Variants in DRC11L observed in about 807,000 individuals in gnomAD.
DRC11L encodes dynein regulatory complex subunit 11 like, also known as dynein regulatory complex subunit like-11.
the DRC11L span, chr7:151,193,502 G>T: frequency 2.5e-6 from 1 of 399,402 alleles, no homozygotes. Flanking sequence ...TGAGAGCAAG[G>T]AAATGGGCCA....
At chr7:151,194,140 G>A in the DRC11L span, 2 of 390,094 alleles carry the variant, frequency 5.1e-6, no homozygotes, top group Non-Finnish European at 9.0e-6. Context: ...AGGAGGACCT[G>A]GGGCTTGGAG....
the DRC11L span, chr7:151,191,673 C>T: frequency 7.5e-5 from 30 of 399,180 alleles, no homozygotes; most frequent in Non-Finnish European, 1.2e-4. Context: ...TACACTGGAT[C>T]CAGCTTCACC....
the DRC11L span, chr7:151,195,501 T>C: frequency 1.0e-5 from 4 of 399,466 alleles, no homozygotes; most frequent in Non-Finnish European, 1.8e-5. Context: ...TGGAAACGAG[T>C]GCGTAGGTCA....
the DRC11L span, chr7:151,197,369 G>A: frequency 2.5e-6 from 1 of 398,906 alleles, no homozygotes; most frequent in Non-Finnish European, 4.4e-6. Flanking sequence ...AGATCAAGGG[G>A]ATTTTACAGA....
At chr7:151,195,419 G>C in the DRC11L span, 3 of 399,000 alleles carry the variant, frequency 7.5e-6, no homozygotes, top group African/African-American at 2.1e-5. Flanking sequence ...GGCACGACAG[G>C]GTCCTGCTAC....
chr7:151,199,364 G>T, the DRC11L span, among the ~76,000 whole-genome samples: 1 of 151,042 alleles, frequency 6.6e-6, no homozygotes, highest in African/African-American at 2.4e-5. This position sits in a 1 kb window ranked among gnomAD's most constrained non-coding sequence, Gnocchi z 5.2. Context: ...CCACTTTCCC[G>T]CCTCATTGGC....
At chr7:151,192,949 T>C in the DRC11L span, 1 of 398,120 alleles carries the variant, frequency 2.5e-6, no homozygotes, top group Non-Finnish European at 4.4e-6. Context: ...TGGAGCCCCG[T>C]CTCCACTCCC....
the DRC11L span, chr7:151,193,520 G>A: frequency 4.8e-5 from 19 of 399,338 alleles, no homozygotes; most frequent in African/African-American, 3.9e-4. Flanking sequence ...CCAGAGCCAG[G>A]CAACAGGTCA....
the DRC11L span, among the ~76,000 whole-genome samples, chr7:151,198,272 G>A: frequency 5.3e-5 from 8 of 151,914 alleles, no homozygotes; most frequent in Non-Finnish European, 1.0e-4. Context: ...GTGGGCAGAT[G>A]GGCAGATGCA....
the DRC11L span, among the ~76,000 whole-genome samples, chr7:151,205,178 C>T: frequency 6.6e-6 from 1 of 151,990 alleles, no homozygotes; most frequent in Non-Finnish European, 1.5e-5. Flanking sequence ...TGGGGCAGCC[C>T]ACGGATGCTG....
chr7:151,196,188 G>C, the DRC11L span, among the ~76,000 whole-genome samples: 1 of 152,210 alleles, frequency 6.6e-6, no homozygotes, highest in Non-Finnish European at 1.5e-5. Flanking sequence ...CCACACCCCT[G>C]CTGCATTAGC....
the DRC11L span, chr7:151,192,359 G>A: frequency 2.5e-6 from 1 of 399,274 alleles, no homozygotes; most frequent in South Asian, 1.3e-4. Flanking sequence ...GGCCAGCTGT[G>A]GCCGGGAGGT....
the DRC11L span, chr7:151,195,896 T>C: frequency 2.8e-6 from 1 of 352,410 alleles, no homozygotes; most frequent in Non-Finnish European, 5.1e-6. Flanking sequence ...TCAGGAGCCC[T>C]GTTCTTAACA....
chr7:151,196,276 A>G, the DRC11L span, among the ~76,000 whole-genome samples: 5 of 152,174 alleles, frequency 3.3e-5, no homozygotes, highest in Non-Finnish European at 5.9e-5. Context: ...AGGACCATGC[A>G]TGGAGGCAGC....
chr7:151,197,281 T>A, the DRC11L span: 1 of 399,406 alleles, frequency 2.5e-6, no homozygotes, highest in Non-Finnish European at 4.4e-6. Context: ...CTTCTCTTGT[T>A]CCTTTTTTCT....
At chr7:151,194,315 G>C in the DRC11L span, 13 of 398,998 alleles carry the variant, frequency 3.3e-5, no homozygotes, top group Non-Finnish European at 5.7e-5. Context: ...GGATGGCATG[G>C]GCAACTTCTT....
chr7:151,197,130 C>A, the DRC11L span: 12 of 399,748 alleles, frequency 3.0e-5, no homozygotes, highest in Admixed American at 8.8e-5. Context: ...TTACCTGAAC[C>A]CATCTTCCTA....
At chr7:151,199,922 CGT>C in the DRC11L span, among the ~76,000 whole-genome samples, 1 of 148,168 alleles carries the variant, frequency 6.7e-6, no homozygotes, top group Non-Finnish European at 1.5e-5. This position sits in a 1 kb window ranked among gnomAD's most constrained non-coding sequence, Gnocchi z 5.2. Flanking sequence ...GCCAGGCACA[CGT>C]GTGTGCACAC....
chr7:151,199,452 G>A, the DRC11L span, among the ~76,000 whole-genome samples: 2 of 152,196 alleles, frequency 1.3e-5, no homozygotes, highest in Non-Finnish European at 2.9e-5. This position sits in a 1 kb window ranked among gnomAD's most constrained non-coding sequence, Gnocchi z 5.2. Context: ...GATAGGCCCG[G>A]GCGGCCGGGC....
Sources: allele counts gnomAD v4.1 joint callset (sites outside exome capture counted in the v4.1 genomes callset), GRCh38; gene constraint gnomAD v4.1.1; non-coding constraint Gnocchi (gnomAD v3.1); transcripts MANE v1.5; gene names NCBI Gene and HGNC (gene_info 2026-07-23, HGNC 2026-07-21).